Variants in MYO3B observed in about 807,000 individuals in gnomAD.
The protein encoded by MYO3B is myosin IIIB.
In MYO3B, 156 loss-of-function variants were observed where a neutral mutation model predicts 174.6. That is an observed-to-expected ratio of 0.89 (90% CI 0.78 to 1.02). The LOEUF (loss-of-function observed/expected upper bound fraction) is 1.02. MYO3B is among the 50% of genes least tolerant of loss of function. The pLI, the probability that MYO3B is intolerant of heterozygous loss-of-function variation, is 0.00. For missense variants in MYO3B, 1,632 were observed against 1,639.4 expected (o/e 1.00, Z 0.08); for synonymous variants, 563 against 569.1 (o/e 0.99, Z 0.15).
chr2:170,388,829 A>G (rs987110075), intron 14 of MYO3B, among the ~76,000 whole-genome samples: 2 of 152,208 alleles, frequency 1.3e-5, no homozygotes, highest in African/African-American at 4.8e-5. Context: ...ATCTTCCTCT[A>G]TCATGTACTT....
chr2:170,424,013 A>T (rs942148558), intron 22 of MYO3B, among the ~76,000 whole-genome samples: 2 of 152,208 alleles, frequency 1.3e-5, no homozygotes, highest in African/African-American at 2.4e-5. Context: ...AAGAGGTGTG[A>T]GCTGAATAAG....
intron 1 of MYO3B, among the ~76,000 whole-genome samples, chr2:170,184,195 G>A (rs2092436422): frequency 6.6e-6 from 1 of 151,896 alleles, no homozygotes; most frequent in Non-Finnish European, 1.5e-5. Flanking sequence ...TCATTTCTTT[G>A]TATTACAATC....
intron 7 of MYO3B, among the ~76,000 whole-genome samples, chr2:170,325,898 T>C (rs551737716): frequency 3.6e-4 from 55 of 152,304 alleles, no homozygotes; most frequent in Admixed American, 6.5e-4. Flanking sequence ...AAAGGTATTA[T>C]TTTGGACCTT....
intron 30 of MYO3B, among the ~76,000 whole-genome samples, chr2:170,524,945 T>G (rs1166099885): frequency 6.6e-6 from 1 of 152,186 alleles, no homozygotes; most frequent in African/African-American, 2.4e-5. Context: ...ACCACAGCAC[T>G]CATTTTTTAA....
At chr2:170,425,891 G>T (rs962850115) in intron 22 of MYO3B, among the ~76,000 whole-genome samples, 2 of 152,176 alleles carry the variant, frequency 1.3e-5, no homozygotes, top group African/African-American at 4.8e-5. Flanking sequence ...TTGTGGACTG[G>T]TGACATGGCT....
Position 170,463,428 on chromosome 2 carries a change from G to A in MYO3B, c.2791G>A (p.Val931Met). 1 of 1,614,162 alleles carries A rather than the reference G, an allele frequency of 6.2e-7. No individual in the cohort carries two copies. Among genetic ancestry groups the A allele is most frequent in the Non-Finnish European group, 8.5e-7 (1 of 1,180,032 alleles). ...EETTNMKRQTVASYFRYSLMD... is the reference protein window; with the variant it reads ...EETTNMKRQTMASYFRYSLMD... Reference sequence around the variant, plus strand: ...AACCACCAACATGAAGAGGCAAACTGTGGCTTCTTACTTCCGGGTATGGAG... The same window carrying A: ...AACCACCAACATGAAGAGGCAAACTATGGCTTCTTACTTCCGGGTATGGAG... The change falls in exon 24 of 35, where the codon GTG (valine) becomes ATG (methionine). Residue 931 changes from valine to methionine, a missense_variant. Val to Met is a conservative substitution (Grantham distance 21). Transcript: ENST00000408978.
Position 170,498,685 on chromosome 2 carries a change from G to A in MYO3B, c.3108G>A (p.Trp1036Ter), listed in dbSNP as rs1687036570. 1.2e-5 allele frequency: 20 copies of A among 1,610,762 alleles called. No individual in the cohort carries two copies. Among genetic ancestry groups the A allele is most frequent in the Non-Finnish European group, 1.7e-5 (20 of 1,177,202 alleles). The change falls in exon 26 of 35, where the codon TGG becomes TGA. Residue 1036 changes from tryptophan to a stop codon, truncating the protein, a stop_gained. Coordinates refer to ENST00000408978, the MANE Select transcript of MYO3B (RefSeq NM_138995.5). LOFTEE classifies it high-confidence loss of function. ...AILEKSRLDHWVLGKTKVFLK... is the reference protein window; with the variant it reads ...AILEKSRLDH ...TGGAAAAGTCCAGATTAGATCACTGGGTACTGGGAAAAACAAAGGTAGTTC... is the reference window on the plus strand; with the variant it reads ...TGGAAAAGTCCAGATTAGATCACTGAGTACTGGGAAAAACAAAGGTAGTTC...
intron 7 of MYO3B, among the ~76,000 whole-genome samples, chr2:170,247,701 T>C (rs2093207067): frequency 6.6e-6 from 1 of 152,198 alleles, no homozygotes; most frequent in African/African-American, 2.4e-5. Flanking sequence ...TCATAGATGG[T>C]AGCTTCTTGC....
intron 32 of MYO3B, chr2:170,601,834 A>G (rs751609842): frequency 3.1e-6 from 3 of 979,298 alleles, no homozygotes; most frequent in African/African-American, 1.6e-5. Flanking sequence ...GTTATTCCAC[A>G]TCTCTACCAG....
chr2:170,511,599 A>G (rs2106116207), intron 28 of MYO3B, among the ~76,000 whole-genome samples: 1 of 152,324 alleles, frequency 6.6e-6, no homozygotes, highest in South Asian at 2.1e-4. Context: ...GAAGTAGGCT[A>G]GGAATCTTGC....
chr2:170,473,139 C>CTTTTTTTTTTTTTTTTTTTTTTTTTTTTT (rs66837903), intron 25 of MYO3B, among the ~76,000 whole-genome samples: 11 of 96,440 alleles, frequency 1.1e-4, no homozygotes, highest in Non-Finnish European at 1.5e-4. Context: ...TTTTTCTTTT[C>CTTTTTTTTTTTTTTTTTTTTTTTTTTTTT]TTTTTTTTTT....
At chr2:170,386,715 C>T (rs991463488) in intron 13 of MYO3B, among the ~76,000 whole-genome samples, 1 of 152,164 alleles carries the variant, frequency 6.6e-6, no homozygotes, top group East Asian at 1.9e-4. Context: ...GTTACTTACA[C>T]TCTGAATTAG....
At chr2:170,282,388 C>T (rs3953397) in intron 7 of MYO3B, among the ~76,000 whole-genome samples, 1 of 151,962 alleles carries the variant, frequency 6.6e-6, no homozygotes, top group African/African-American at 2.4e-5. Flanking sequence ...GTTCTTAGCA[C>T]CTTTGTCAAA....
chr2:170,616,505 A>C (rs577469994), intron 32 of MYO3B, among the ~76,000 whole-genome samples: 3 of 152,186 alleles, frequency 2.0e-5, no homozygotes, highest in Non-Finnish European at 4.4e-5. Context: ...TACAATAATC[A>C]GGAGCATTTC....
At chr2:170,542,719 G>A (rs1161870117) in intron 30 of MYO3B, among the ~76,000 whole-genome samples, 187 bp from the exon 31 acceptor site, 1 of 152,158 alleles carries the variant, frequency 6.6e-6, no homozygotes, top group Non-Finnish European at 1.5e-5. Flanking sequence ...GTAACATGTA[G>A]GAGCAACACC....
intron 1 of MYO3B, among the ~76,000 whole-genome samples, chr2:170,191,320 C>T (rs2092537535): frequency 1.3e-5 from 2 of 152,166 alleles, no homozygotes; most frequent in South Asian, 2.1e-4. Flanking sequence ...CACAAATACT[C>T]CCTTGGCTCT....
chr2:170,636,957 C>CGT (rs3047156), intron 32 of MYO3B, among the ~76,000 whole-genome samples: 26,863 of 146,250 alleles, frequency 0.18, 2,567 homozygotes, highest in East Asian at 0.31. Context: ...TGCTTTTGTG[C>CGT]GTGTGTGTGT....
intron 9 of MYO3B, among the ~76,000 whole-genome samples, chr2:170,372,118 CAAAAAAAA>C (rs769243145): frequency 5.4e-4 from 12 of 22,210 alleles, no homozygotes; most frequent in African/African-American, 1.2e-3. Flanking sequence ...GACCCTGTCT[CAAAAAAAA>C]AAAAAAAAAA....
intron 7 of MYO3B, among the ~76,000 whole-genome samples, chr2:170,332,793 C>T (rs2093920945): frequency 6.6e-6 from 1 of 152,120 alleles, no homozygotes; most frequent in African/African-American, 2.4e-5. Context: ...AACAACTAAA[C>T]AATACCCCTT....
Sources: gnomAD v4.1 joint callset for allele counts (sites outside exome capture counted in the v4.1 genomes callset) on GRCh38, gnomAD v4.1.1 for gene constraint, MANE v1.5 for transcripts, NCBI Gene and HGNC (gene_info 2026-07-23, HGNC 2026-07-21) for gene names.